The following SOX6 variants were observed in gnomAD, a reference collection of about 807,000 sequenced individuals.
The protein encoded by SOX6 is transcription factor SOX-6.
SOX6 carries 11 observed loss-of-function variants against 97.8 expected under a neutral mutation model. The ratio of observed to expected loss-of-function variants is 0.11; its 90% CI spans 0.07 to 0.19. The LOEUF (loss-of-function observed/expected upper bound fraction) is 0.19, where lower values mean the gene tolerates loss of function less well. Ranked by LOEUF, SOX6 falls within the 10% of genes least tolerant of loss-of-function variation. SOX6 has a pLI of 1.00. For missense variants in SOX6, 810 were observed against 1,039.5 expected, an observed-to-expected ratio of 0.78 and a Z score of 3.04; for synonymous variants, 360 against 371.4, an observed-to-expected ratio of 0.97 and a Z score of 0.35.
At chr11:16,650,743 C>T (rs1267847981) in intron 3 of SOX6, among the ~76,000 whole-genome samples, 1 of 151,376 alleles carries the variant, frequency 6.6e-6, no homozygotes, top group African/African-American at 2.4e-5. Flanking sequence ...AAACCAAACC[C>T]CAACCCAGAA....
chr11:16,093,297 A>C (rs1243286784), intron 9 of SOX6, among the ~76,000 whole-genome samples: 1 of 151,932 alleles, frequency 6.6e-6, no homozygotes, highest in Admixed American at 6.6e-5. Context: ...CTTTCTCCTA[A>C]TATTGTGCCC....
chr11:16,218,886 A>T (rs1034286216), intron 4 of SOX6, among the ~76,000 whole-genome samples: 1 of 152,080 alleles, frequency 6.6e-6, no homozygotes, highest in African/African-American at 2.4e-5. Context: ...CATGATATTG[A>T]ATCATTTCCG....
chr11:16,157,956 C>G (rs548407673), intron 6 of SOX6, among the ~76,000 whole-genome samples: 1 of 152,016 alleles, frequency 6.6e-6, no homozygotes, highest in Non-Finnish European at 1.5e-5. Flanking sequence ...TTCCTCTGCA[C>G]TTCTATGGCA....
At chr11:16,200,016 C>T (rs1244925793) in intron 4 of SOX6, among the ~76,000 whole-genome samples, 1 of 152,146 alleles carries the variant, frequency 6.6e-6, no homozygotes, top group East Asian at 1.9e-4. Context: ...TATCAGAAAA[C>T]AGGTTCTAAT....
At chr11:16,180,726 A>C (rs765935389) in intron 6 of SOX6, among the ~76,000 whole-genome samples, 2 of 151,794 alleles carry the variant, frequency 1.3e-5, no homozygotes, top group East Asian at 3.9e-4. Flanking sequence ...AAAATCATAC[A>C]TCTTACTTTT....
chr11:16,028,432 T>C (rs1044471163), intron 12 of SOX6, among the ~76,000 whole-genome samples: 9 of 152,242 alleles, frequency 5.9e-5, no homozygotes, highest in Admixed American at 3.9e-4. Flanking sequence ...TGGGAATAGA[T>C]GTATTAATTT....
intron 3 of SOX6, among the ~76,000 whole-genome samples, chr11:16,647,641 C>T (rs756228169): frequency 6.6e-6 from 1 of 152,180 alleles, no homozygotes; most frequent in Non-Finnish European, 1.5e-5. Flanking sequence ...AAAGAAGTGA[C>T]ATGCTGCTGT....
intron 3 of SOX6, among the ~76,000 whole-genome samples, chr11:16,617,434 G>A (rs188617233): frequency 3.6e-4 from 54 of 151,914 alleles, no homozygotes; most frequent in Non-Finnish European, 6.2e-4. Context: ...TTTCAAAGTT[G>A]ATGAAGTTTA....
In SOX6 at chr11:15,986,058, C is replaced by G. The variant is rs559285898; in HGVS notation, c.2183+146G>C. The G allele has an allele frequency of 5.6e-4, 462 of 819,866 alleles. 12 individuals are homozygous for G. The South Asian group carries it at 6.1e-3, about 11-fold the overall frequency. 50.8% of individuals were successfully genotyped at this position (819,866 alleles called of 1,614,324 possible). On this transcript the variant is annotated intron_variant, in intron 15 of 15. Coordinates refer to ENST00000683767, the MANE Select transcript of SOX6 (RefSeq NM_001367873.1). ...GGTGCAAGGCAGTGCCCCTATGACA[C>G]AGCAAAGATTCTCATGGCCAAGCCC...
At chr11:16,127,708 A>T (rs1849641706) in intron 6 of SOX6, among the ~76,000 whole-genome samples, 1 of 152,166 alleles carries the variant, frequency 6.6e-6, no homozygotes, top group Admixed American at 6.6e-5. Context: ...TGGAACATAT[A>T]TGCCACTTGG....
chr11:16,565,713 T>A lies in SOX6; in HGVS notation n.609+46368A>T, dbSNP rs376333404. Among the ~76,000 whole-genome samples the A allele has an allele frequency of 6.9e-3, 45 of 6,508 alleles. 1 individual carries two copies. Among genetic ancestry groups the A allele is most frequent in the African/African-American group, 0.021 (36 of 1,744 alleles). 4.3% of individuals were successfully genotyped at this position (6,508 alleles called of 152,430 possible). ...AAAAATAAAAAAATAAAAAAATAAA[T>A]AAATAAATAAAAAAAAAAAAAAAAA... On this transcript the variant is annotated intron_variant and non_coding_transcript_variant, in intron 4 of 5. Coordinates refer to the SOX6 transcript ENST00000524520.
At chr11:16,584,442 G>T (rs1848070016) in intron 4 of SOX6, among the ~76,000 whole-genome samples, 1 of 152,098 alleles carries the variant, frequency 6.6e-6, no homozygotes, top group Non-Finnish European at 1.5e-5. Context: ...CCTGCAGGGA[G>T]CCCCTTTGAC....
intron 2 of SOX6, among the ~76,000 whole-genome samples, chr11:16,717,580 T>G (rs927578281): frequency 3.0e-4 from 45 of 152,138 alleles, no homozygotes; most frequent in Admixed American, 2.6e-3. Flanking sequence ...CTATGTCCTT[T>G]GTATATCTTT....
At chr11:16,136,919 T>C (rs939377927) in intron 6 of SOX6, among the ~76,000 whole-genome samples, 1 of 152,254 alleles carries the variant, frequency 6.6e-6, no homozygotes, top group Non-Finnish European at 1.5e-5. Context: ...ATTCTGGTTT[T>C]ACTTTGCCTG....
intron 4 of SOX6, among the ~76,000 whole-genome samples, chr11:16,521,625 G>A (rs925082581): frequency 2.0e-5 from 3 of 152,192 alleles, no homozygotes; most frequent in Admixed American, 2.0e-4. Context: ...GAACAAAGCT[G>A]GATGGAGAAT....
Position 16,637,810 on chromosome 11 carries a change from G to A in SOX6, n.430-25550C>T, listed in dbSNP as rs560194177. Among the ~76,000 whole-genome samples, 3 of 152,208 alleles carry A rather than the reference G, an allele frequency of 2.0e-5. No homozygotes were observed. The East Asian group carries it at 5.8e-4, about 29-fold the overall frequency. On this transcript the variant is annotated intron_variant and non_coding_transcript_variant, in intron 3 of 5. Coordinates refer to the SOX6 transcript ENST00000524520. Reference sequence around the variant, plus strand: ...GGTCACCATCATTCCAGCAAGCAGGGAAAGGTACAGTGTGCAGGAATATGT... The same window carrying A: ...GGTCACCATCATTCCAGCAAGCAGGAAAAGGTACAGTGTGCAGGAATATGT...
At chr11:16,290,534 G>T (rs1397237059) in intron 3 of SOX6, among the ~76,000 whole-genome samples, 1 of 151,938 alleles carries the variant, frequency 6.6e-6, no homozygotes, top group Non-Finnish European at 1.5e-5. Flanking sequence ...TATAATCACA[G>T]AATCAATAAG....
chr11:16,056,345 T>C (rs1257274840), intron 9 of SOX6, among the ~76,000 whole-genome samples: 1 of 152,178 alleles, frequency 6.6e-6, no homozygotes, highest in Non-Finnish European at 1.5e-5. Context: ...AACTGTATCA[T>C]TCTTATTTAG....
At chr11:16,491,486 A>G (rs1860509483) in intron 4 of SOX6, among the ~76,000 whole-genome samples, 1 of 151,070 alleles carries the variant, frequency 6.6e-6, no homozygotes, top group Non-Finnish European at 1.5e-5. Context: ...TTCCAATCTG[A>G]ATTCCAACAG....
Sources: gnomAD v4.1 joint callset for allele counts (sites outside exome capture counted in the v4.1 genomes callset) on GRCh38, gnomAD v4.1.1 for gene constraint, MANE v1.5 for transcripts, NCBI Gene and HGNC (gene_info 2026-07-23, HGNC 2026-07-21) for gene names.